C5orf22: variants seen among roughly 807,000 people sequenced by gnomAD.
C5orf22 encodes UPF0489 protein C5orf22.
A neutral mutation model predicts 48.7 loss-of-function variants in C5orf22; 36 were observed. The ratio of observed to expected loss-of-function variants is 0.74; its 90% CI spans 0.57 to 0.98. The LOEUF is 0.98. C5orf22 is among the 50% of genes least tolerant of loss of function. The pLI is 0.00. For synonymous variants in C5orf22, 141 were observed against 180.8 expected, an observed-to-expected ratio of 0.78 and a Z score of 1.76; for missense variants, 486 against 521.9, an observed-to-expected ratio of 0.93 and a Z score of 0.67.
intron 6 of C5orf22, among the ~76,000 whole-genome samples, chr5:31,542,606 A>C (rs1471736383): frequency 6.6e-6 from 1 of 152,328 alleles, no homozygotes; most frequent in Non-Finnish European, 1.5e-5. Context: ...CTGGCTGTTC[A>C]TATCACCTTG....
chr5:31,553,153 G>GTT lies in C5orf22; in HGVS notation c.*261_*262dup, dbSNP rs558847315. ...TTCCTTAAGTATTTTTTAGGGTTTT[G>GTT]TTTTTTTTTTTGTTTGTTTGTTTGT... On this transcript the variant is annotated 3_prime_UTR_variant, in exon 9 of 9. Coordinates refer to ENST00000325366, the MANE Select transcript of C5orf22 (RefSeq NM_018356.3). The GTT allele has an allele frequency of 4.1e-4, 107 of 263,624 alleles. No individual in the cohort carries two copies. The highest frequency in any genetic ancestry group is 6.4e-4 in the South Asian group (9 of 14,064). 16.3% of individuals were successfully genotyped at this position (263,624 alleles called of 1,614,324 possible).
chr5:31,535,599 A>C, intron 2 of C5orf22, 145 bp from the exon 3 acceptor site: 1 of 565,268 alleles, frequency 1.8e-6, no homozygotes, highest in African/African-American at 1.9e-5. Context: ...ATAGTTTTGT[A>C]ATAGTGATGT....
At chr5:31,537,667 G>T (rs1338660512) in intron 3 of C5orf22, among the ~76,000 whole-genome samples, 2 of 152,176 alleles carry the variant, frequency 1.3e-5, no homozygotes, top group Non-Finnish European at 2.9e-5. Flanking sequence ...TCTAAAATAT[G>T]TCAGGGGGAG....
Position 31,550,836 on chromosome 5 carries a change from A to T in C5orf22, c.1060-457A>T, listed in dbSNP as rs565696864. Among the ~76,000 whole-genome samples the T allele has an allele frequency of 1.1e-4, 17 of 152,370 alleles. No individual in the cohort carries two copies. The East Asian group carries it at 2.7e-3, about 24-fold the overall frequency. On this transcript the variant is annotated intron_variant, in intron 7 of 8. Transcript: ENST00000325366. The stretch of plus-strand genomic sequence containing the variant: ...CTCAGCCTCCCAAAGTGCTGGGATT[A>T]CAGGCATGAGCTACCACGCCTGGCC...
chr5:31,544,440 C>T (rs762672426), intron 6 of C5orf22, among the ~76,000 whole-genome samples: 4 of 151,834 alleles, frequency 2.6e-5, no homozygotes, highest in Admixed American at 6.6e-5. Context: ...AAAAATTAGC[C>T]GGGCGTGGTG....
chr5:31,552,341 T>A (rs1743332028), intron 8 of C5orf22, among the ~76,000 whole-genome samples: 1 of 152,224 alleles, frequency 6.6e-6, no homozygotes, highest in Admixed American at 6.5e-5. Flanking sequence ...AATAGGATCC[T>A]TTTATCAGTT....
chr5:31,533,910 G>GA (rs1166123853), intron 1 of C5orf22, among the ~76,000 whole-genome samples: 4 of 151,464 alleles, frequency 2.6e-5, no homozygotes, highest in Non-Finnish European at 4.4e-5. Flanking sequence ...CTTTTTAAAG[G>GA]AAAAAAAAGA....
intron 7 of C5orf22, among the ~76,000 whole-genome samples, chr5:31,546,889 C>G (rs1004696147): frequency 3.9e-5 from 6 of 152,168 alleles, no homozygotes; most frequent in African/African-American, 1.4e-4. Context: ...CTTAGCCCCT[C>G]CCAAATCTCC....
chr5:31,545,751 T>C, intron 7 of C5orf22, 39 bp downstream of exon 7: 1 of 1,341,906 alleles, frequency 7.5e-7, no homozygotes, highest in Non-Finnish European at 1.1e-6. Context: ...TGACCCTTTG[T>C]AAAGACAATT....
At chr5:31,552,246 A>C (rs1475606824) in intron 8 of C5orf22, among the ~76,000 whole-genome samples, 1 of 152,220 alleles carries the variant, frequency 6.6e-6, no homozygotes, top group African/African-American at 2.4e-5. Context: ...AGGAAAGTAA[A>C]TCCAACACCA....
rs547218099 is a variant in C5orf22, at chr5:31,553,050, T to C, written c.*148T>C. ...GATATTTTGAATCTCTGAACAACCA[T>C]TGTCAGTTGTGAATGATGGTAAATT... On this transcript the variant is annotated 3_prime_UTR_variant, in exon 9 of 9. Coordinates refer to ENST00000325366, the MANE Select transcript of C5orf22 (RefSeq NM_018356.3). The C allele has an allele frequency of 2.7e-6, 2 of 730,528 alleles. No individual in the cohort carries two copies. The highest frequency in any genetic ancestry group is 3.3e-5 in the Admixed American group (1 of 30,438). The allele number at this position is 730,528 out of a possible 1,614,324, so 45.3% of individuals were successfully genotyped here.
Position 31,535,604 on chromosome 5 carries a change from T to C in C5orf22, c.228-140T>C, listed in dbSNP as rs1742020696. ...TTTCATGAAAATAGTTTTGTAATAG[T>C]GATGTCCCTGAAAAAGTCTCAGGAA... On this transcript the variant is annotated intron_variant, in intron 2 of 8. Transcript: ENST00000325366. The C allele has an allele frequency of 3.0e-5, 17 of 568,860 alleles. 3 individuals carry two copies. In the South Asian group the frequency reaches 4.4e-4, roughly 15 times the overall value. 35.2% of individuals were successfully genotyped at this position (568,860 alleles called of 1,614,324 possible). A position where few individuals can be genotyped will look rare whatever the true frequency, so the allele number is the denominator to read the frequency against.
intron 4 of C5orf22, among the ~76,000 whole-genome samples, chr5:31,540,696 C>A (rs2150074531): frequency 6.6e-6 from 1 of 152,196 alleles, no homozygotes; most frequent in Admixed American, 6.5e-5. Flanking sequence ...ATAGTAGTAC[C>A]ATGCCCAGCT....
chr5:31,549,466 C>CT (rs35068314), intron 7 of C5orf22, among the ~76,000 whole-genome samples: 37 of 148,354 alleles, frequency 2.5e-4, no homozygotes, highest in Admixed American at 5.4e-4. Context: ...TTTTGTTTAA[C>CT]TTTTTTTTTT....
intron 6 of C5orf22, among the ~76,000 whole-genome samples, 165 bp downstream of exon 6, chr5:31,541,567 G>C (rs1171738237): frequency 6.6e-6 from 1 of 152,138 alleles, no homozygotes; most frequent in Non-Finnish European, 1.5e-5. Context: ...ACCAGCCTGG[G>C]TAATGTAACA....
At chr5:31,549,318 A>G (rs1020323797) in intron 7 of C5orf22, among the ~76,000 whole-genome samples, 3 of 152,220 alleles carry the variant, frequency 2.0e-5, no homozygotes, top group Non-Finnish European at 4.4e-5. Context: ...ACCTCCCACC[A>G]GGTTTCTCCC....
At chr5:31,548,072 C>T (rs1743009277) in intron 7 of C5orf22, among the ~76,000 whole-genome samples, 1 of 152,172 alleles carries the variant, frequency 6.6e-6, no homozygotes, top group Admixed American at 6.6e-5. Context: ...GAGGCCAAGG[C>T]TGGCGGATCA....
chr5:31,550,014 A>G (rs1462179018), intron 7 of C5orf22, among the ~76,000 whole-genome samples: 1 of 152,164 alleles, frequency 6.6e-6, no homozygotes, highest in East Asian at 1.9e-4. Context: ...GGGAATGGCT[A>G]GGGCTCAGTC....
At position 31,551,440 on chromosome 5, in the gene C5orf22, T is replaced by C; in HGVS notation, c.1199+8T>C. 1.2e-6 allele frequency: 2 copies of C among 1,603,832 alleles called. No homozygotes were observed. Among genetic ancestry groups the C allele is most frequent in the South Asian group, 1.1e-5 (1 of 89,790 alleles). ...TCTTGTGACAATTGCAAGGTAAGTG[T>C]GTTCAGCAGAATAATGGCAAATCAG... On this transcript the variant is annotated splice_region_variant and intron_variant, in intron 8 of 8. Coordinates refer to ENST00000325366, the MANE Select transcript of C5orf22 (RefSeq NM_018356.3).
Sources: allele counts gnomAD v4.1 joint callset (sites outside exome capture counted in the v4.1 genomes callset), GRCh38; gene constraint gnomAD v4.1.1; transcripts MANE v1.5; gene names NCBI Gene and HGNC (gene_info 2026-07-23, HGNC 2026-07-21).